SDC2: variants seen among roughly 807,000 people sequenced by gnomAD.
SDC2 encodes syndecan 2, also known as syndecan-2.
In SDC2, 13 loss-of-function variants were observed where a neutral mutation model predicts 22.2. The ratio of observed to expected loss-of-function variants is 0.59; its 90% CI spans 0.38 to 0.93. The LOEUF (loss-of-function observed/expected upper bound fraction) is 0.93, where lower values mean the gene tolerates loss of function less well. Ranked by LOEUF, SDC2 falls within the 40% of genes least tolerant of loss-of-function variation. SDC2 has a pLI of 0.00. For missense variants in SDC2, 235 were observed against 246.8 expected (o/e 0.95, Z 0.32); for synonymous variants, 94 against 92.8 (o/e 1.01, Z -0.07).
intron 1 of SDC2, among the ~76,000 whole-genome samples, chr8:96,543,702 C>T (rs1398905950): frequency 6.6e-6 from 1 of 152,150 alleles, no homozygotes. Flanking sequence ...TTTGGCGTCC[C>T]TGGTGTGTGC....
At chr8:96,517,547 G>T (rs184831075) in intron 1 of SDC2, among the ~76,000 whole-genome samples, 1 of 152,158 alleles carries the variant, frequency 6.6e-6, no homozygotes, top group East Asian at 1.9e-4. Flanking sequence ...TCTTCTTTAT[G>T]CATGTGGTAT....
intron 1 of SDC2, among the ~76,000 whole-genome samples, chr8:96,536,598 A>T (rs562167239): frequency 2.6e-5 from 4 of 152,338 alleles, no homozygotes; most frequent in Admixed American, 6.5e-5. Context: ...CTGGGATTAC[A>T]GGCATGAGCC....
At chr8:96,600,105 G>A (rs1814952757) in intron 2 of SDC2, among the ~76,000 whole-genome samples, 1 of 152,162 alleles carries the variant, frequency 6.6e-6, no homozygotes, top group South Asian at 2.1e-4. Flanking sequence ...GCTACAGTGA[G>A]CCATGATCGC....
At chr8:96,584,243 C>T (rs1814644228) in intron 1 of SDC2, among the ~76,000 whole-genome samples, 1 of 152,220 alleles carries the variant, frequency 6.6e-6, no homozygotes, top group African/African-American at 2.4e-5. Flanking sequence ...CAGATTCTTT[C>T]TCCAGCCTGA....
intron 1 of SDC2, among the ~76,000 whole-genome samples, chr8:96,587,637 G>A (rs545053741): frequency 1.3e-5 from 2 of 152,308 alleles, no homozygotes; most frequent in East Asian, 3.9e-4. Flanking sequence ...ATTAGGCAGA[G>A]AAGTAACTGT....
intron 1 of SDC2, among the ~76,000 whole-genome samples, chr8:96,537,029 T>C (rs1448541353): frequency 6.6e-6 from 1 of 152,218 alleles, no homozygotes; most frequent in African/African-American, 2.4e-5. Context: ...ATCTATATTA[T>C]AAAATGATGA....
At chr8:96,533,269 C>T (rs762160864) in intron 1 of SDC2, among the ~76,000 whole-genome samples, 10 of 152,156 alleles carry the variant, frequency 6.6e-5, no homozygotes, top group Admixed American at 6.5e-5. Flanking sequence ...GCTTGGGCAG[C>T]TTGCTTTTAT....
chr8:96,595,492 C>T (rs1018603690), intron 2 of SDC2, among the ~76,000 whole-genome samples: 1 of 149,776 alleles, frequency 6.7e-6, no homozygotes, highest in Non-Finnish European at 1.5e-5. Flanking sequence ...AAATATCTTT[C>T]ACTCATGGCA....
intron 1 of SDC2, among the ~76,000 whole-genome samples, chr8:96,521,202 G>A (rs1586277790): frequency 6.6e-6 from 1 of 152,286 alleles, no homozygotes. Flanking sequence ...TGCGCTGAGA[G>A]GAAACCAAAA....
At chr8:96,504,797 AT>A (rs1454882456) in intron 1 of SDC2, among the ~76,000 whole-genome samples, 1 of 151,830 alleles carries the variant, frequency 6.6e-6, no homozygotes, top group Non-Finnish European at 1.5e-5. Flanking sequence ...TTTATTTTGT[AT>A]TTTTTTTGTG....
chr8:96,511,898 T>G (rs1239147963), intron 1 of SDC2, among the ~76,000 whole-genome samples: 2 of 152,096 alleles, frequency 1.3e-5, no homozygotes, highest in Non-Finnish European at 2.9e-5. Flanking sequence ...ACAGCTAAGC[T>G]GTTGTTAAAA....
chr8:96,516,205 C>G (rs1462238202), intron 1 of SDC2, among the ~76,000 whole-genome samples: 2 of 152,196 alleles, frequency 1.3e-5, no homozygotes, highest in African/African-American at 4.8e-5. Flanking sequence ...GACCCCACCT[C>G]TCTGCTTAAC....
intron 1 of SDC2, among the ~76,000 whole-genome samples, chr8:96,504,278 T>C (rs1461682407): frequency 2.6e-5 from 4 of 152,350 alleles, no homozygotes; most frequent in Non-Finnish European, 4.4e-5. Context: ...CAGTCTCTAG[T>C]TGCATGAGTG....
At chr8:96,598,199 C>T (rs1814913543) in intron 2 of SDC2, among the ~76,000 whole-genome samples, 1 of 152,210 alleles carries the variant, frequency 6.6e-6, no homozygotes, top group Non-Finnish European at 1.5e-5. Context: ...CATGAGGGCC[C>T]TGCCCCCATG....
intron 2 of SDC2, among the ~76,000 whole-genome samples, chr8:96,597,086 T>G (rs1814890650): frequency 6.6e-6 from 1 of 152,184 alleles, no homozygotes; most frequent in Non-Finnish European, 1.5e-5. Flanking sequence ...GGAGATTTAT[T>G]ATCTGGAGAG....
intron 1 of SDC2, among the ~76,000 whole-genome samples, chr8:96,551,270 G>A (rs569134743): frequency 6.6e-6 from 1 of 152,286 alleles, no homozygotes; most frequent in East Asian, 1.9e-4. Flanking sequence ...CACTAAGTGG[G>A]ATTGAGAGAA....
intron 1 of SDC2, among the ~76,000 whole-genome samples, chr8:96,533,491 C>A (rs1813700351): frequency 6.6e-6 from 1 of 152,006 alleles, no homozygotes; most frequent in Admixed American, 6.5e-5. Context: ...TTGAGCTAGA[C>A]ACAGGGTGCT....
chr8:96,557,326 G>C (rs1471294725), intron 1 of SDC2, among the ~76,000 whole-genome samples: 3 of 126,482 alleles, frequency 2.4e-5, no homozygotes, highest in Non-Finnish European at 3.6e-5. Context: ...ACATGCACAC[G>C]TATGTTTATT....
intron 1 of SDC2, among the ~76,000 whole-genome samples, chr8:96,510,751 A>T (rs1323091546): frequency 6.6e-6 from 1 of 152,206 alleles, no homozygotes; most frequent in Non-Finnish European, 1.5e-5. Flanking sequence ...GTAAGTCTGT[A>T]ATATCTAGAG....
Sources: allele counts gnomAD v4.1 joint callset (sites outside exome capture counted in the v4.1 genomes callset), GRCh38; gene constraint gnomAD v4.1.1; transcripts MANE v1.5; gene names NCBI Gene and HGNC (gene_info 2026-07-23, HGNC 2026-07-21).